Variants in CADM2 observed in about 807,000 individuals in gnomAD.
CADM2 encodes cell adhesion molecule 2, also known as immunoglobulin superfamily member 4D.
CADM2 carries 12 observed loss-of-function variants against 49.8 expected under a neutral mutation model. The ratio of observed to expected loss-of-function variants is 0.24; its 90% CI spans 0.15 to 0.39. CADM2 has a LOEUF of 0.39. Among genes scored for constraint, CADM2 ranks in the 10% least tolerant of loss-of-function variants. CADM2 has a pLI of 1.00. For missense variants in CADM2, 378 were observed against 492.3 expected (o/e 0.77, Z 2.20); for synonymous variants, 214 against 175.4 (o/e 1.22, Z -1.74).
intron 1 of CADM2, among the ~76,000 whole-genome samples, chr3:85,576,143 A>C (rs1391029229): frequency 6.6e-6 from 1 of 152,180 alleles, no homozygotes; most frequent in Non-Finnish European, 1.5e-5. Context: ...GTTTTAACAT[A>C]ATTTATTTAT....
intron 1 of CADM2, among the ~76,000 whole-genome samples, chr3:85,584,612 C>T (rs934363573): frequency 1.3e-5 from 2 of 151,934 alleles, no homozygotes; most frequent in South Asian, 2.1e-4. Flanking sequence ...TGTACTTCCC[C>T]TTTTTTGTCC....
chr3:85,628,613 T>A lies in CADM2; in HGVS notation c.62-97909T>A, dbSNP rs368705493. Among the ~76,000 whole-genome samples, 38 of 16,504 alleles carry A rather than the reference T, an allele frequency of 2.3e-3. No individual in the cohort carries two copies. In the Middle Eastern group the frequency reaches 0.083, roughly 36 times the overall value. 10.8% of individuals were successfully genotyped at this position (16,504 alleles called of 152,430 possible). A position where few individuals can be genotyped will look rare whatever the true frequency, so the allele number is the denominator to read the frequency against. On this transcript the variant is annotated intron_variant, in intron 1 of 9. Coordinates refer to ENST00000383699, the MANE Select transcript of CADM2 (RefSeq NM_001167675.2). ...TATACATATATACACATATATACATTTATATACATATATACGCATATATAC... is the reference window on the plus strand; with the variant it reads ...TATACATATATACACATATATACATATATATACATATATACGCATATATAC...
chr3:85,710,811 A>G (rs2067094691), intron 1 of CADM2, among the ~76,000 whole-genome samples: 1 of 152,112 alleles, frequency 6.6e-6, no homozygotes, highest in African/African-American at 2.4e-5. Flanking sequence ...TATGCTGCAG[A>G]ATAGCTGTCT....
intron 1 of CADM2, among the ~76,000 whole-genome samples, chr3:85,206,550 G>T (rs1300129355): frequency 1.3e-5 from 2 of 151,730 alleles, no homozygotes; most frequent in East Asian, 1.9e-4. Context: ...CTCGTGATCC[G>T]CCCACCTCGG....
At chr3:85,718,460 A>C (rs2067375939) in intron 1 of CADM2, among the ~76,000 whole-genome samples, 1 of 152,178 alleles carries the variant, frequency 6.6e-6, no homozygotes, top group Admixed American at 6.5e-5. Flanking sequence ...TTTAAGTTCT[A>C]TTCTTGGCTG....
chr3:85,040,348 TG>T (rs1408613521), intron 1 of CADM2, among the ~76,000 whole-genome samples: 2 of 152,212 alleles, frequency 1.3e-5, no homozygotes, highest in African/African-American at 4.8e-5. Context: ...TCCTTGCCTT[TG>T]TTAGCATGTT....
At chr3:85,412,656 G>T (rs1364933217) in intron 1 of CADM2, among the ~76,000 whole-genome samples, 2 of 151,812 alleles carry the variant, frequency 1.3e-5, no homozygotes. Context: ...AAGATTAGGA[G>T]TATCCTTTGC....
intron 8 of CADM2, among the ~76,000 whole-genome samples, chr3:86,043,489 A>C (rs1379408057): frequency 1.3e-5 from 2 of 152,206 alleles, no homozygotes; most frequent in African/African-American, 2.4e-5. Flanking sequence ...CAAAGAGAAT[A>C]AAATACCTAG....
At chr3:85,706,039 TAA>T (rs1170349066) in intron 1 of CADM2, among the ~76,000 whole-genome samples, 2 of 152,216 alleles carry the variant, frequency 1.3e-5, no homozygotes, top group African/African-American at 2.4e-5. Flanking sequence ...TTCGTAGAAA[TAA>T]GTTACTTTTA....
At chr3:84,976,204 G>A (rs1275133664) in intron 1 of CADM2, among the ~76,000 whole-genome samples, 3 of 151,756 alleles carry the variant, frequency 2.0e-5, no homozygotes, top group East Asian at 1.9e-4. Context: ...ATTATGAAAG[G>A]TATTTGTGAA....
intron 1 of CADM2, among the ~76,000 whole-genome samples, chr3:85,068,403 A>T (rs982271984): frequency 2.0e-5 from 3 of 152,318 alleles, no homozygotes; most frequent in Admixed American, 2.0e-4. Context: ...GGAACTCTGT[A>T]AAGTATAGGC....
intron 8 of CADM2, among the ~76,000 whole-genome samples, chr3:86,049,074 T>C (rs79032359): frequency 0.011 from 1,726 of 152,126 alleles, 42 homozygotes; most frequent in African/African-American, 0.039. Flanking sequence ...AAACCTTTCA[T>C]GTAATGTAGT....
At chr3:85,030,173 C>T (rs1349547588) in intron 1 of CADM2, among the ~76,000 whole-genome samples, 4 of 152,172 alleles carry the variant, frequency 2.6e-5, no homozygotes, top group African/African-American at 4.8e-5. Flanking sequence ...GATATCACTG[C>T]TCCTCTAGTT....
intron 4 of CADM2, among the ~76,000 whole-genome samples, chr3:85,885,451 T>C (rs1458974403): frequency 6.6e-6 from 1 of 151,476 alleles, no homozygotes; most frequent in South Asian, 2.1e-4. Flanking sequence ...AGTGGGCAGA[T>C]CACGAGGTCA....
intron 8 of CADM2, among the ~76,000 whole-genome samples, chr3:86,063,081 A>C (rs1738881819): frequency 6.6e-6 from 1 of 152,080 alleles, no homozygotes. Context: ...CCTTCTGATC[A>C]CCGAATATTT....
intron 1 of CADM2, among the ~76,000 whole-genome samples, chr3:85,357,099 A>G (rs1224942279): frequency 1.3e-5 from 2 of 152,132 alleles, no homozygotes; most frequent in Non-Finnish European, 2.9e-5. Flanking sequence ...TATAAAAACT[A>G]GTCTATTATT....
intron 1 of CADM2, among the ~76,000 whole-genome samples, chr3:85,582,449 C>T (rs1297331628): frequency 6.6e-6 from 1 of 152,138 alleles, no homozygotes; most frequent in Non-Finnish European, 1.5e-5. Flanking sequence ...TATATGAGTA[C>T]TGTCTTAGTT....
chr3:85,209,808 A>G (rs929112786), intron 1 of CADM2, among the ~76,000 whole-genome samples: 4 of 152,192 alleles, frequency 2.6e-5, no homozygotes, highest in Non-Finnish European at 4.4e-5. Flanking sequence ...GAACCTTTGA[A>G]AAGTTCACAA....
chr3:85,406,342 T>C (rs2035376504), intron 1 of CADM2, among the ~76,000 whole-genome samples: 1 of 152,058 alleles, frequency 6.6e-6, no homozygotes, highest in Non-Finnish European at 1.5e-5. Flanking sequence ...TTTTTACACA[T>C]CACAAATATT....
Sources: allele counts gnomAD v4.1 joint callset (sites outside exome capture counted in the v4.1 genomes callset), GRCh38; gene constraint gnomAD v4.1.1; transcripts MANE v1.5; gene names NCBI Gene and HGNC (gene_info 2026-07-23, HGNC 2026-07-21).